LETM1: variants seen among roughly 807,000 people sequenced by gnomAD.
The protein encoded by LETM1 is leucine zipper and EF-hand containing transmembrane protein 1, also known as mitochondrial proton/calcium exchanger protein.
Under a neutral mutation model 74.5 loss-of-function variants are expected in LETM1, and 50 were observed. That is an observed-to-expected ratio of 0.67 (90% CI 0.53 to 0.85). The LOEUF (loss-of-function observed/expected upper bound fraction) is 0.85. Among genes scored for constraint, LETM1 ranks in the 40% least tolerant of loss-of-function variants. The probability of loss-of-function intolerance (pLI) is 0.00; values close to 1 mark genes in which losing one functional copy is unlikely to be tolerated. For missense variants in LETM1, 824 were observed against 967.8 expected (o/e 0.85, Z 1.97); for synonymous variants, 446 against 407.1 (o/e 1.10, Z -1.15).
At chr4:1,832,695 C>T (rs11938463) in intron 6 of LETM1, 49 bp downstream of exon 6, 15 of 1,563,166 alleles carry the variant, frequency 9.6e-6, no homozygotes, top group African/African-American at 1.4e-5. Context: ...CATCAGGAAA[C>T]GAAAAGGTAA....
At chr4:1,843,982 C>G (rs1418818892) in intron 2 of LETM1, among the ~76,000 whole-genome samples, 1 of 152,206 alleles carries the variant, frequency 6.6e-6, no homozygotes, top group African/African-American at 2.4e-5. Flanking sequence ...GGGAATACAC[C>G]TCCTCCCTGC....
rs148597636 is a variant in LETM1, at chr4:1,856,096, C to G, written c.-146G>C. The G allele has an allele frequency of 0.037, 14,572 of 397,002 alleles. 1,982 individuals carry two copies. Among genetic ancestry groups the G allele is most frequent in the African/African-American group, 0.28 (13,411 of 47,448 alleles). 24.6% of individuals were successfully genotyped at this position (397,002 alleles called of 1,614,324 possible). ...GCTGGCCTCGGACGGGAGGCGCTCTCCTCAAGGACCCGGCACCAGCGGCGG... is the reference window on the plus strand; with the variant it reads ...GCTGGCCTCGGACGGGAGGCGCTCTGCTCAAGGACCCGGCACCAGCGGCGG... On this transcript the variant is annotated 5_prime_UTR_variant, in exon 1 of 14. Transcript: ENST00000302787.
At position 1,836,799 on chromosome 4, in the gene LETM1, G is replaced by A. The variant is rs558889573; in HGVS notation, c.595-227C>T. Among the ~76,000 whole-genome samples, 1 of 152,278 alleles carries A rather than the reference G, an allele frequency of 6.6e-6. No individual in the cohort carries two copies. The highest frequency in any genetic ancestry group is 2.1e-4 in the South Asian group (1 of 4,818). On this transcript the variant is annotated intron_variant, in intron 3 of 13. Transcript: ENST00000302787. The surrounding 1 kb of genome is among the most constrained non-coding windows in gnomAD (Gnocchi z 5.8). ...AGCAGCCTCCAGAAAAGCAGGGTAT[G>A]GTGCTGACACCAAGGGCCACTGGGT...
At position 1,832,729 on chromosome 4, in the gene LETM1, T is replaced by C. The variant is rs1712319975; in HGVS notation, c.1080+15A>G. 3 of 1,612,568 alleles carry C rather than the reference T, an allele frequency of 1.9e-6. No individual in the cohort carries two copies. The highest frequency in any genetic ancestry group is 1.1e-5 in the South Asian group (1 of 91,026). On this transcript the variant is annotated intron_variant, in intron 6 of 13. Transcript: ENST00000302787. ...AAAACACCAGAGCTGTGGCGCGGAG[T>C]ATGGCCAGGCTCACCTTGTCGTCTG...
chr4:1,844,446 C>G (rs1273614114), intron 2 of LETM1, among the ~76,000 whole-genome samples: 1 of 152,176 alleles, frequency 6.6e-6, no homozygotes, highest in Non-Finnish European at 1.5e-5. Flanking sequence ...ATCGAAAATA[C>G]TCCAGCAGGG....
intron 2 of LETM1, among the ~76,000 whole-genome samples, chr4:1,847,936 C>T (rs1246236106): frequency 6.7e-6 from 1 of 150,358 alleles, no homozygotes; most frequent in African/African-American, 2.5e-5. Context: ...GTGGAGATTG[C>T]AGTGGGCAGA....
In LETM1 at chr4:1,841,765, T is replaced by C. The variant is rs1712708223; in HGVS notation, c.176A>G (p.His59Arg). Residue 59 changes from histidine to arginine, a missense_variant, in exon 3 of 14, where the codon CAC (histidine) becomes CGC (arginine). Coordinates refer to ENST00000302787, the MANE Select transcript of LETM1 (RefSeq NM_012318.3). Reference sequence around the variant, plus strand: ...GCCTCTGGAGGATGTGTACACAGGGTGGATGGGAGTGCAGCAGCCAAATGG... The same window carrying C: ...GCCTCTGGAGGATGTGTACACAGGGCGGATGGGAGTGCAGCAGCCAAATGG... Reference protein sequence around the residue: ...NVPFGCCTPIHPVYTSSRGDH... With the variant: ...NVPFGCCTPIRPVYTSSRGDH... 1.2e-6 allele frequency: 2 copies of C among 1,613,422 alleles called. No homozygotes were observed. The highest frequency in any genetic ancestry group is 4.5e-5 in the East Asian group (2 of 44,860).
Position 1,825,630 on chromosome 4 carries a change from C to G in LETM1, c.1134G>C (p.Ala378=), listed in dbSNP as rs572632842. The change falls in exon 7 of 14, where the codon GCG becomes GCC. Residue 378 remains alanine (A), a synonymous_variant. Coordinates refer to ENST00000302787, the MANE Select transcript of LETM1 (RefSeq NM_012318.3). The part of the protein sequence containing the change: ...DSLNVKELQA[A]CRARGMRALG... ...GGGCCCGCATGCCTCGTGCCCGACA[C>G]GCTGCCTGCAGCTCCTTGACATTCA... The G allele has an allele frequency of 6.2e-7, 1 of 1,614,090 alleles. No individual in the cohort carries two copies. Among genetic ancestry groups the G allele is most frequent in the Non-Finnish European group, 8.5e-7 (1 of 1,179,988 alleles).
At chr4:1,835,724 G>T (rs1712443976) in intron 4 of LETM1, among the ~76,000 whole-genome samples, 1 of 152,170 alleles carries the variant, frequency 6.6e-6, no homozygotes, top group African/African-American at 2.4e-5. Flanking sequence ...TGCCCTAGAA[G>T]GACCTCATGA....
At chr4:1,838,574 G>A (rs1712570071) in intron 3 of LETM1, among the ~76,000 whole-genome samples, 1 of 152,216 alleles carries the variant, frequency 6.6e-6, no homozygotes, top group African/African-American at 2.4e-5. Context: ...CTACACTGGA[G>A]GCTGAGGTAG....
chr4:1,838,796 C>T (rs960805744), intron 3 of LETM1, among the ~76,000 whole-genome samples: 10 of 152,166 alleles, frequency 6.6e-5, no homozygotes, highest in African/African-American at 2.2e-4. Flanking sequence ...GATGAGGCTG[C>T]ACCTGGGAGA....
At position 1,815,713 on chromosome 4, in the gene LETM1, G is replaced by C; in HGVS notation, c.2021C>G (p.Ala674Gly). The part of the protein sequence containing the change: ...PESKLTSLAA[A>G]LDENKDGKVN... The stretch of plus-strand genomic sequence containing the variant: ...CTTGCCATCCTTGTTTTCATCCAGT[G>C]CTGCGGCCAGGCTGGTGAGCTTGCT... Residue 674 changes from alanine (A) to glycine (G), a missense_variant, in exon 13 of 14, where the codon GCA (alanine) becomes GGA (glycine). By Grantham distance (60) the Ala-to-Gly change is moderately conservative. Transcript: ENST00000302787. 1 of 1,614,232 alleles carries C rather than the reference G, an allele frequency of 6.2e-7. No homozygotes were observed. Among genetic ancestry groups the C allele is most frequent in the Non-Finnish European group, 8.5e-7 (1 of 1,180,030 alleles).
intron 1 of LETM1, among the ~76,000 whole-genome samples, chr4:1,849,620 A>G (rs1279915106): frequency 1.3e-5 from 2 of 152,076 alleles, no homozygotes; most frequent in East Asian, 1.9e-4. Context: ...GCAGTGGTAC[A>G]GTCACGGCTC....
At chr4:1,828,338 C>A (rs1577316106) in intron 6 of LETM1, among the ~76,000 whole-genome samples, 1 of 127,146 alleles carries the variant, frequency 7.9e-6, no homozygotes, top group African/African-American at 3.2e-5. Context: ...TGACCCCCCC[C>A]ACCTCCCTCC....
chr4:1,849,662 T>C (rs908026469), intron 1 of LETM1, among the ~76,000 whole-genome samples: 16 of 152,210 alleles, frequency 1.1e-4, no homozygotes, highest in African/African-American at 3.4e-4. Context: ...GCTCAAGGGA[T>C]CCTTTTGCCT....
chr4:1,840,647 G>A (rs1157585637), intron 3 of LETM1, among the ~76,000 whole-genome samples: 2 of 151,678 alleles, frequency 1.3e-5, no homozygotes, highest in African/African-American at 2.4e-5. Flanking sequence ...CAGCCTGGGC[G>A]ACAGTGAGAC....
rs531660619 is a variant in LETM1 at position 1,843,914 on chromosome 4, T to C, written c.144-2117A>G. On this transcript the variant is annotated intron_variant, in intron 2 of 13. Transcript: ENST00000302787. Reference sequence around the variant, plus strand: ...CTCAGACTGCCCCCTGGCCAGGCTGTGTTCCTTCTGTGAGGTGGGCTCACC... The same window carrying C: ...CTCAGACTGCCCCCTGGCCAGGCTGCGTTCCTTCTGTGAGGTGGGCTCACC... 8.5e-5 allele frequency among the ~76,000 whole-genome samples: 13 copies of C among 152,282 alleles called. No homozygotes were observed. In the East Asian group the frequency reaches 2.5e-3, roughly 29 times the overall value.
intron 2 of LETM1, among the ~76,000 whole-genome samples, chr4:1,842,436 G>GC (rs913334125): frequency 5.9e-5 from 9 of 151,958 alleles, no homozygotes; most frequent in Non-Finnish European, 1.2e-4. Context: ...CCTCACACCT[G>GC]CCCCCCCGCC....
chr4:1,826,407 C>T (rs1241846412), intron 6 of LETM1, among the ~76,000 whole-genome samples: 6 of 152,386 alleles, frequency 3.9e-5, no homozygotes, highest in Non-Finnish European at 8.8e-5. Context: ...TAACAAAGCT[C>T]CCATGCATCA....
Sources: gnomAD v4.1 joint callset for allele counts (sites outside exome capture counted in the v4.1 genomes callset) on GRCh38, gnomAD v4.1.1 for gene constraint, Gnocchi (gnomAD v3.1) non-coding constraint, MANE v1.5 for transcripts, NCBI Gene and HGNC (gene_info 2026-07-23, HGNC 2026-07-21) for gene names.